LMF1: variants seen among roughly 807,000 people sequenced by gnomAD.
The protein encoded by LMF1 is transmembrane protein 112.
LMF1 carries 68 observed loss-of-function variants against 60.6 expected under a neutral mutation model. The observed-to-expected ratio is 1.12, with a 90% CI of 0.92 to 1.37. The LOEUF is 1.37. Ranked by LOEUF, LMF1 falls within the 40% of genes most tolerant of loss-of-function variation. The pLI, the probability that LMF1 is intolerant of heterozygous loss-of-function variation, is 0.00. For synonymous variants in LMF1, 418 were observed against 324.7 expected, an observed-to-expected ratio of 1.29 and a Z score of -3.09; for missense variants, 948 against 767.2, an observed-to-expected ratio of 1.24 and a Z score of -2.78.
intron 1 of LMF1, among the ~76,000 whole-genome samples, chr16:966,093 G>A (rs2072917000): frequency 6.6e-6 from 1 of 152,202 alleles, no homozygotes; most frequent in African/African-American, 2.4e-5. Flanking sequence ...GGCCAGAAGG[G>A]TGTCGGCAGC....
chr16:854,269 G>A lies in LMF1; in HGVS notation c.*263C>T. On this transcript the variant is annotated 3_prime_UTR_variant, in exon 11 of 11. Coordinates refer to ENST00000262301, the MANE Select transcript of LMF1 (RefSeq NM_022773.4). The stretch of plus-strand genomic sequence containing the variant: ...CCCCAGGCTGGGCCTCTGGGAGGAG[G>A]GTGGGATGGATGGGAGATCAGAGCC... The A allele has an allele frequency of 1.5e-6, 1 of 663,116 alleles. No individual in the cohort carries two copies. The allele number at this position is 663,116 out of a possible 1,614,324, so 41.1% of individuals were successfully genotyped here.
rs184909771 is a variant in LMF1 at position 886,475 on chromosome 16, G to A, written c.729+6532C>T. Among the ~76,000 whole-genome samples the A allele has an allele frequency of 1.1e-3, 164 of 151,730 alleles. 1 individual carries two copies. The highest frequency in any genetic ancestry group is 4.5e-3 in the Admixed American group (68 of 15,274). On this transcript the variant is annotated intron_variant, in intron 5 of 10. Coordinates refer to ENST00000262301, the MANE Select transcript of LMF1 (RefSeq NM_022773.4). ...GGGCACGGGCCTGGGGCTTTGAACC[G>A]CGCCCGGCCAAAACCACCCTGCAGC...
At chr16:941,924 TATTAA>T (rs566569523) in intron 2 of LMF1, among the ~76,000 whole-genome samples, 48 of 152,228 alleles carry the variant, frequency 3.2e-4, no homozygotes, top group Non-Finnish European at 5.9e-4. Context: ...GTTGTGTCTG[TATTAA>T]ATTAAGAAAA....
chr16:977,953 C>T (rs1242697031), intron 1 of LMF1, among the ~76,000 whole-genome samples: 1 of 120,880 alleles, frequency 8.3e-6, no homozygotes, highest in Non-Finnish European at 1.7e-5. Context: ...CACGCACACA[C>T]ACCACACACC....
intron 2 of LMF1, among the ~76,000 whole-genome samples, chr16:951,664 G>A (rs556733117): frequency 1.1e-4 from 17 of 152,330 alleles, no homozygotes; most frequent in African/African-American, 2.2e-4. Context: ...GACAAACCAC[G>A]CTCAGGTGAA....
At chr16:952,881 C>T (rs1403205079) in intron 2 of LMF1, among the ~76,000 whole-genome samples, 30 of 139,232 alleles carry the variant, frequency 2.2e-4, no homozygotes, top group Middle Eastern at 3.8e-3. Flanking sequence ...TCCTACACAT[C>T]CACACAGACA....
In LMF1 at chr16:854,017, G is replaced by T; in HGVS notation, c.*515C>A. On this transcript the variant is annotated 3_prime_UTR_variant, in exon 11 of 11. Transcript: ENST00000262301. ...GCCCATCCAACCCCACATCCTGGCCGGGCGTGTCCAGGTCCCTGTGGGGCG... is the reference window on the plus strand; with the variant it reads ...GCCCATCCAACCCCACATCCTGGCCTGGCGTGTCCAGGTCCCTGTGGGGCG... 1 of 454,322 alleles carries T rather than the reference G, an allele frequency of 2.2e-6. No homozygotes were observed. Among genetic ancestry groups the T allele is most frequent in the Non-Finnish European group, 4.4e-6 (1 of 226,934 alleles). 28.1% of individuals were successfully genotyped at this position (454,322 alleles called of 1,614,324 possible).
Position 917,258 on chromosome 16 carries a change from C to T in LMF1, c.515-6179G>A, listed in dbSNP as rs540288995. ...GTGTGGCCACGCAGAGCACATGCTG[C>T]GCAGGCCCACGTGAAGAAATGCCAC... On this transcript the variant is annotated intron_variant, in intron 3 of 10. Coordinates refer to ENST00000262301, the MANE Select transcript of LMF1 (RefSeq NM_022773.4). Among the ~76,000 whole-genome samples, 9 of 152,210 alleles carry T rather than the reference C, an allele frequency of 5.9e-5. No individual in the cohort carries two copies. The South Asian group carries it at 1.9e-3, about 32-fold the overall frequency.
In LMF1 at chr16:889,057, C is replaced by G. The variant is rs1473749852; in HGVS notation, c.729+3950G>C. 2.0e-5 allele frequency among the ~76,000 whole-genome samples: 3 copies of G among 152,322 alleles called. No individual in the cohort carries two copies. The South Asian group carries it at 6.2e-4, about 32-fold the overall frequency. ...CCCCGGTGTCTCATGGGAGCGGGCCCTTGGCCTGCGGGGTCTGCACTCACC... is the reference window on the plus strand; with the variant it reads ...CCCCGGTGTCTCATGGGAGCGGGCCGTTGGCCTGCGGGGTCTGCACTCACC... On this transcript the variant is annotated intron_variant, in intron 5 of 10. Coordinates refer to ENST00000262301, the MANE Select transcript of LMF1 (RefSeq NM_022773.4).
At chr16:904,307 T>C (rs3021342) in intron 4 of LMF1, among the ~76,000 whole-genome samples, 48 of 98,898 alleles carry the variant, frequency 4.9e-4, no homozygotes, top group East Asian at 1.4e-3. Flanking sequence ...CTGCACTGCC[T>C]GTGGGGACGC....
chr16:891,985 G>A (rs1019602963), intron 5 of LMF1, among the ~76,000 whole-genome samples: 54 of 152,200 alleles, frequency 3.5e-4, no homozygotes, highest in African/African-American at 1.2e-3. Flanking sequence ...TCAGCAAGGC[G>A]GGGCACTTGA....
At chr16:934,202 G>A (rs555372049) in intron 3 of LMF1, 42 bp downstream of exon 3, 105 of 1,599,068 alleles carry the variant, frequency 6.6e-5, no homozygotes, top group Admixed American at 5.8e-4. Context: ...AACACACAAC[G>A]CTCAACTCTC....
chr16:964,327 A>AAG (rs1334314366), intron 1 of LMF1, among the ~76,000 whole-genome samples: 1 of 151,864 alleles, frequency 6.6e-6, no homozygotes, highest in Non-Finnish European at 1.5e-5. Context: ...ATCAGAAAAA[A>AAG]AAAATCAGCT....
chr16:926,821 C>T (rs1407836582), intron 3 of LMF1, among the ~76,000 whole-genome samples: 1 of 152,140 alleles, frequency 6.6e-6, no homozygotes, highest in Non-Finnish European at 1.5e-5. Context: ...CAGCTGCTCC[C>T]CGGGTCCCCA....
rs1254026176 is a variant in LMF1, at chr16:936,177, C to T, written c.504-1923G>A. On this transcript the variant is annotated intron_variant, in intron 2 of 10. Transcript: ENST00000262301. The stretch of plus-strand genomic sequence containing the variant: ...GAAGGTGGCTGGGAGACAGAGGGGG[C>T]ACCGTGTGGGCTGAGGAAGGAGGCT... Among the ~76,000 whole-genome samples, 29 of 143,630 alleles carry T rather than the reference C, an allele frequency of 2.0e-4. 1 individual carries two copies. Among genetic ancestry groups the T allele is most frequent in the African/African-American group, 7.5e-4 (28 of 37,476 alleles). 94.2% of individuals were successfully genotyped at this position (143,630 alleles called of 152,430 possible). A position where few individuals can be genotyped will look rare whatever the true frequency, so the allele number is the denominator to read the frequency against.
chr16:856,964 C>A (rs1028139383), intron 10 of LMF1, among the ~76,000 whole-genome samples: 1 of 152,242 alleles, frequency 6.6e-6, no homozygotes, highest in Non-Finnish European at 1.5e-5. Context: ...CCACACCCTC[C>A]CCGACCTTCG....
chr16:922,270 C>T (rs35735365), intron 3 of LMF1, among the ~76,000 whole-genome samples: 5,014 of 152,276 alleles, frequency 0.033, 143 homozygotes, highest in African/African-American at 0.054. Context: ...GCCTCCGATG[C>T]AAGGTGGGAG....
intron 10 of LMF1, among the ~76,000 whole-genome samples, chr16:859,215 C>T (rs77022630): frequency 1.2e-4 from 12 of 99,952 alleles, no homozygotes; most frequent in South Asian, 3.2e-4. Flanking sequence ...TGTCTCGGGA[C>T]GGGTGTGCAG....
intron 4 of LMF1, among the ~76,000 whole-genome samples, chr16:906,807 A>C (rs2070984208): frequency 6.6e-6 from 1 of 152,180 alleles, no homozygotes; most frequent in South Asian, 2.1e-4. Flanking sequence ...TTCCATATAC[A>C]TCTAAGAGTC....
Sources: allele counts gnomAD v4.1 joint callset (sites outside exome capture counted in the v4.1 genomes callset), GRCh38; gene constraint gnomAD v4.1.1; transcripts MANE v1.5; gene names NCBI Gene and HGNC (gene_info 2026-07-23, HGNC 2026-07-21).